Variants in CEP164 observed in about 807,000 individuals in gnomAD.
CEP164 encodes the protein centrosomal protein of 164 kDa.
Under a neutral mutation model 182.7 loss-of-function variants are expected in CEP164, and 162 were observed. That is an observed-to-expected ratio of 0.89 (90% CI 0.78 to 1.01). The LOEUF is 1.01. CEP164 is among the 50% of genes least tolerant of loss of function. The pLI is 0.00. For synonymous variants in CEP164, 661 were observed against 690.0 expected, an observed-to-expected ratio of 0.96 and a Z score of 0.66; for missense variants, 1,735 against 1,790.4, an observed-to-expected ratio of 0.97 and a Z score of 0.56.
chr11:117,325,759 G>A (rs577771144), upstream of CEP164, among the ~76,000 whole-genome samples: 4 of 152,238 alleles, frequency 2.6e-5, no homozygotes, highest in East Asian at 7.7e-4. Flanking sequence ...GGAAGTATAG[G>A]CATAACTGCT....
Position 117,362,525 on chromosome 11 carries a change from A to T in CEP164, c.674A>T (p.Glu225Val). ...GEETNEEDEE[E>V]SDNQSVHSSS... ...GAAACCAATGAGGAGGATGAGGAGG[A>T]AAGTGACAACCAGGTAATGATGAAG... The change falls in exon 7 of 33, where the codon GAA (glutamate) becomes GTA (valine). Residue 225 changes from glutamate to valine, a missense_variant. Transcript: ENST00000278935. The T allele has an allele frequency of 6.2e-7, 1 of 1,613,456 alleles. No individual in the cohort carries two copies. The highest frequency in any genetic ancestry group is 8.5e-7 in the Non-Finnish European group (1 of 1,179,924).
In CEP164 at chr11:117,381,720, C is replaced by T. The variant is rs953523364; in HGVS notation, c.1429C>T (p.His477Tyr). The T allele has an allele frequency of 2.5e-6, 4 of 1,610,138 alleles. No individual in the cohort carries two copies. The highest frequency in any genetic ancestry group is 2.5e-6 in the Non-Finnish European group (3 of 1,178,492). ...LEERLSPPLP[H>Y]EERAQSPPRS... is the part of the protein sequence containing the mutation. ...GACCAGGTTATCTCCTCCACTTCCA[C>T]ACGAGGAGCGGGCCCAGAGTCCCCC... The change falls in exon 13 of 33, where the codon CAC becomes TAC. Residue 477 changes from histidine to tyrosine, a missense_variant. By Grantham distance (83) the His-to-Tyr change is moderately conservative. Transcript: ENST00000278935.
At chr11:117,380,498 A>G (rs1165332493) in intron 11 of CEP164, 116 bp from the exon 12 acceptor site, 9 of 777,130 alleles carry the variant, frequency 1.2e-5, no homozygotes, top group African/African-American at 8.6e-5. Flanking sequence ...GTATGGTCCC[A>G]TCTTCTGGAG....
chr11:117,360,942 T>C (rs2040869869), intron 5 of CEP164, among the ~76,000 whole-genome samples: 1 of 150,670 alleles, frequency 6.6e-6, no homozygotes, highest in Non-Finnish European at 1.5e-5. Context: ...ATGGCTTTTT[T>C]TTTTTTTTTT....
intron 1 of CEP164, among the ~76,000 whole-genome samples, chr11:117,331,072 G>A (rs1159441830): frequency 6.6e-6 from 1 of 152,204 alleles, no homozygotes; most frequent in Non-Finnish European, 1.5e-5. Flanking sequence ...AATTGTTGGA[G>A]CAGGGTGGAA....
chr11:117,375,269 G>A (rs936719923), intron 10 of CEP164, among the ~76,000 whole-genome samples: 14 of 152,312 alleles, frequency 9.2e-5, no homozygotes, highest in African/African-American at 3.4e-4. Context: ...TTTGGAGTCA[G>A]TGCGGGGCCC....
chr11:117,329,839 C>CAT (rs368563701), intron 1 of CEP164, among the ~76,000 whole-genome samples: 1 of 95,578 alleles, frequency 1.0e-5, no homozygotes, highest in Non-Finnish European at 1.9e-5. Context: ...TGCGCCTGGC[C>CAT]TTTTTTTTTT....
In CEP164 at chr11:117,411,015, C is replaced by T; in HGVS notation, c.4163+121C>T. ...CCTGGTCTTACCCCAAGAAATCAGG[C>T]AGGCCTCTAGTCCACAGAGCTGTCC... On this transcript the variant is annotated intron_variant, in intron 31 of 32. Transcript: ENST00000278935. The surrounding 1 kb of genome is among the most constrained non-coding windows in gnomAD (Gnocchi z 4.4). The T allele has an allele frequency of 1.1e-6, 1 of 881,406 alleles. No homozygotes were observed. The highest frequency in any genetic ancestry group is 1.8e-6 in the Non-Finnish European group (1 of 559,154). The allele number at this position is 881,406 out of a possible 1,614,324, so 54.6% of individuals were successfully genotyped here.
intron 3 of CEP164, among the ~76,000 whole-genome samples, chr11:117,340,313 G>T (rs1368875682): frequency 1.3e-5 from 2 of 152,242 alleles, no homozygotes; most frequent in Non-Finnish European, 2.9e-5. Flanking sequence ...TGAGCCACTT[G>T]TGCCTGGCCA....
chr11:117,402,420 C>T (rs2046251775), intron 27 of CEP164, among the ~76,000 whole-genome samples: 1 of 151,944 alleles, frequency 6.6e-6, no homozygotes, highest in African/African-American at 2.4e-5. Flanking sequence ...GGGGTTTCAC[C>T]ATGTTTTTCA....
upstream of CEP164, chr11:117,323,937 C>T (rs766488697): frequency 8.5e-5 from 27 of 318,872 alleles, no homozygotes; most frequent in South Asian, 2.9e-4. Context: ...TTTAAAAATC[C>T]GGTTATTTGG....
intron 4 of CEP164, among the ~76,000 whole-genome samples, chr11:117,345,572 T>C (rs962027134): frequency 5.9e-5 from 9 of 152,232 alleles, no homozygotes; most frequent in Non-Finnish European, 1.2e-4. Context: ...CCTGTTCTTG[T>C]TCATACCATT....
intron 14 of CEP164, among the ~76,000 whole-genome samples, chr11:117,383,786 C>G (rs2136185683): frequency 6.6e-6 from 1 of 152,252 alleles, no homozygotes; most frequent in East Asian, 1.9e-4. Flanking sequence ...CCTGTAATCC[C>G]AGCACTCTGG....
intron 10 of CEP164, 34 bp from the exon 11 acceptor site, chr11:117,375,674 G>T (rs760648150): frequency 6.3e-7 from 1 of 1,598,894 alleles, no homozygotes; most frequent in South Asian, 1.1e-5. Flanking sequence ...TGTGACAGAG[G>T]CAGAGTTGAC....
chr11:117,335,180 C>T (rs1419472492), intron 1 of CEP164, among the ~76,000 whole-genome samples: 4 of 152,194 alleles, frequency 2.6e-5, no homozygotes, highest in African/African-American at 4.8e-5. Flanking sequence ...GTCAGGCCTG[C>T]GTCGCCTCTG....
At chr11:117,341,114 A>G (rs1356260339) in intron 3 of CEP164, among the ~76,000 whole-genome samples, 1 of 152,216 alleles carries the variant, frequency 6.6e-6, no homozygotes, top group Non-Finnish European at 1.5e-5. Context: ...GGTGTGAGTC[A>G]CTGCACCTAG....
chr11:117,410,999 A>AC (rs1439623913), intron 31 of CEP164, 105 bp downstream of exon 31: 3 of 1,041,490 alleles, frequency 2.9e-6, no homozygotes, highest in Non-Finnish European at 4.3e-6. Context: ...TCCTGGTCTT[A>AC]CCCCAAGAAA....
rs560527787 is a variant in CEP164, at chr11:117,411,881, G to C, written c.4250G>C (p.Arg1417Pro). The change falls in exon 32 of 33, where the codon CGG (arginine) becomes CCG (proline). Residue 1417 changes from arginine to proline, a missense_variant. Physicochemically the swap from Arg to Pro is moderately radical, Grantham distance 103. Transcript: ENST00000278935. This position sits in a 1 kb window ranked among gnomAD's most constrained non-coding sequence, Gnocchi z 4.4. ...TTFQGIIEAN[R>P]RWLERVKNDP... ...TTTCAGGGCATAATTGAGGCCAACC[G>C]GAGGTGGCTGGAACGTGTCAAGAAT... 41 of 1,614,008 alleles carry C rather than the reference G, an allele frequency of 2.5e-5. No individual in the cohort carries two copies. The highest frequency in any genetic ancestry group is 3.3e-5 in the Admixed American group (2 of 60,002).
chr11:117,357,273 A>T (rs1049630411), intron 5 of CEP164, among the ~76,000 whole-genome samples: 12 of 151,536 alleles, frequency 7.9e-5, no homozygotes, highest in Non-Finnish European at 1.8e-4. Context: ...CTCCCAGCCA[A>T]TTTTTTTGTG....
Sources: allele counts gnomAD v4.1 joint callset (sites outside exome capture counted in the v4.1 genomes callset), GRCh38; gene constraint gnomAD v4.1.1; non-coding constraint Gnocchi (gnomAD v3.1); transcripts MANE v1.5; gene names NCBI Gene and HGNC (gene_info 2026-07-23, HGNC 2026-07-21).